FRMPD4: variants seen among roughly 807,000 people sequenced by gnomAD.
FRMPD4 encodes FERM and PDZ domain-containing protein 4.
FRMPD4 carries 22 observed loss-of-function variants against 94.1 expected under a neutral mutation model. The ratio of observed to expected loss-of-function variants is 0.23; its 90% CI spans 0.17 to 0.33. The LOEUF (loss-of-function observed/expected upper bound fraction) is 0.33. Among genes scored for constraint, FRMPD4 ranks in the 10% least tolerant of loss-of-function variants. The pLI, the probability that FRMPD4 is intolerant of heterozygous loss-of-function variation, is 1.00. For synonymous variants in FRMPD4, 631 were observed against 548.6 expected, an observed-to-expected ratio of 1.15 and a Z score of -2.10; for missense variants, 1,111 against 1,339.9, an observed-to-expected ratio of 0.83 and a Z score of 2.67.
intron 3 of FRMPD4, among the ~76,000 whole-genome samples, chrX:11,945,503 A>G (rs1362322716): frequency 8.9e-6 from 1 of 111,898 alleles, no homozygotes; most frequent in Non-Finnish European, 1.9e-5. Flanking sequence ...TTGTGTTGCT[A>G]TAAAAGAATA....
At chrX:12,220,096 G>A (rs996955048) in intron 1 of FRMPD4, among the ~76,000 whole-genome samples, 4 of 111,654 alleles carry the variant, frequency 3.6e-5, no homozygotes, top group Middle Eastern at 4.6e-3. Flanking sequence ...AGCGGAGATC[G>A]CACCATTGCA....
intron 1 of FRMPD4, among the ~76,000 whole-genome samples, chrX:12,246,314 T>C (rs1397271403): frequency 2.7e-5 from 3 of 112,309 alleles, no homozygotes; most frequent in African/African-American, 9.7e-5. Context: ...TTCACTGAAA[T>C]GAAGAGCTTC....
chrX:11,848,186 T>C (rs980707778), intron 1 of FRMPD4, among the ~76,000 whole-genome samples: 3 of 111,098 alleles, frequency 2.7e-5, no homozygotes, highest in African/African-American at 9.8e-5. Flanking sequence ...CCTAGAGAGT[T>C]TCTGTGTTTG....
At position 12,224,982 on chromosome X, in the gene FRMPD4, T is replaced by C. The variant is rs748472690; in HGVS notation, c.41+85970T>C. On this transcript the variant is annotated intron_variant, in intron 1 of 16. Coordinates refer to ENST00000675598, the MANE Select transcript of FRMPD4 (RefSeq NM_001368397.1). ...AAAGATAGTCTTTGAATAAACCATT[T>C]TTCTCTATGTATTGAGAAGCAGCTG... Among the ~76,000 whole-genome samples, 7 of 111,778 alleles carry C rather than the reference T, an allele frequency of 6.3e-5. No homozygotes were observed. The East Asian group carries it at 2.0e-3, about 31-fold the overall frequency.
rs1240852717 is a variant in FRMPD4 at position 12,645,834 on chromosome X, C to T, written c.423-29029C>T. Among the ~76,000 whole-genome samples the T allele has an allele frequency of 2.7e-5, 3 of 112,008 alleles. No individual in the cohort carries two copies. The East Asian group carries it at 8.4e-4, about 31-fold the overall frequency. The stretch of plus-strand genomic sequence containing the variant: ...TTGCTCATATTTGTAAATAGATTTT[C>T]GCATGCATTTTGGTTTGCACCCTTT... On this transcript the variant is annotated intron_variant, in intron 4 of 16. Coordinates refer to ENST00000675598, the MANE Select transcript of FRMPD4 (RefSeq NM_001368397.1).
intron 1 of FRMPD4, among the ~76,000 whole-genome samples, chrX:11,862,960 GTT>G (rs772255596): frequency 2.1e-5 from 1 of 47,654 alleles, no homozygotes; most frequent in African/African-American, 7.8e-5. Flanking sequence ...AGGGAACTTG[GTT>G]TTTTTTTTTT....
At chrX:12,221,853 G>C (rs1253595994) in intron 1 of FRMPD4, among the ~76,000 whole-genome samples, 1 of 111,813 alleles carries the variant, frequency 8.9e-6, no homozygotes, top group Non-Finnish European at 1.9e-5. Flanking sequence ...AGCGACATCA[G>C]GAAATGGTTA....
In FRMPD4 at chrX:12,662,985, C is replaced by T. The variant is rs749151158; in HGVS notation, c.423-11878C>T. ...AAACTTTTTTTCATATGTTTGTTGG[C>T]GGCATAAATGTCTTCTTTTGAGAAG... On this transcript the variant is annotated intron_variant, in intron 4 of 16. Coordinates refer to ENST00000675598, the MANE Select transcript of FRMPD4 (RefSeq NM_001368397.1). Among the ~76,000 whole-genome samples, 40 of 112,447 alleles carry T rather than the reference C, an allele frequency of 3.6e-4. 1 individual carries two copies. In the South Asian group the frequency reaches 6.2e-3, roughly 18 times the overall value.
intron 3 of FRMPD4, among the ~76,000 whole-genome samples, chrX:12,119,984 A>G (rs188438475): frequency 2.0e-3 from 226 of 112,464 alleles, no homozygotes; most frequent in Non-Finnish European, 3.1e-3. Flanking sequence ...GAAATTGTGT[A>G]ATATTTTTTC....
chrX:11,924,272 CTG>C (rs1328668541), intron 3 of FRMPD4, among the ~76,000 whole-genome samples: 2 of 111,986 alleles, frequency 1.8e-5, no homozygotes, highest in Non-Finnish European at 3.8e-5. Context: ...CTCCAGGAAT[CTG>C]TGACTGACTG....
At chrX:11,831,961 T>C (rs766498402) in intron 1 of FRMPD4, among the ~76,000 whole-genome samples, 83 of 112,158 alleles carry the variant, frequency 7.4e-4, no homozygotes, top group Non-Finnish European at 1.2e-3. Context: ...TTAGTTGAAA[T>C]AAACTGAATA....
chrX:11,928,400 G>A (rs1411700178), intron 3 of FRMPD4, among the ~76,000 whole-genome samples: 1 of 111,516 alleles, frequency 9.0e-6, no homozygotes, highest in Non-Finnish European at 1.9e-5. Flanking sequence ...TGAGTGAAAG[G>A]GAAAGCCCCA....
At chrX:12,678,123 T>C (rs2059919611) in intron 5 of FRMPD4, among the ~76,000 whole-genome samples, 1 of 112,265 alleles carries the variant, frequency 8.9e-6, no homozygotes, top group East Asian at 2.8e-4. Flanking sequence ...ACTAAATATA[T>C]CATAAACATT....
chrX:12,618,868 T>C (rs2059261320), intron 4 of FRMPD4, among the ~76,000 whole-genome samples: 1 of 111,775 alleles, frequency 8.9e-6, no homozygotes, highest in African/African-American at 3.3e-5. Flanking sequence ...TAGAATGGTT[T>C]TTGACTCCCT....
chrX:12,462,228 C>T (rs2057398140), intron 1 of FRMPD4, among the ~76,000 whole-genome samples: 1 of 111,553 alleles, frequency 9.0e-6, no homozygotes, highest in African/African-American at 3.3e-5. Flanking sequence ...AAACCACCTC[C>T]TGTGTTTTGT....
intron 2 of FRMPD4, among the ~76,000 whole-genome samples, chrX:12,541,053 C>G (rs375158364): frequency 1.8e-5 from 2 of 111,867 alleles, no homozygotes; most frequent in Admixed American, 1.9e-4. Context: ...AGAACAAAGA[C>G]ACAACAGACC....
rs377167488 is a variant in FRMPD4, at chrX:12,393,435, T to C, written c.42-105245T>C. Among the ~76,000 whole-genome samples the C allele has an allele frequency of 1.3e-4, 15 of 112,356 alleles. No homozygotes were observed. The South Asian group carries it at 5.6e-3, about 42-fold the overall frequency. ...TAATTTTTTAAAAGATGATACATTA[T>C]TAATCTAAATTAAGATAGGCTTGGC... On this transcript the variant is annotated intron_variant, in intron 1 of 16. Transcript: ENST00000675598.
intron 4 of FRMPD4, among the ~76,000 whole-genome samples, chrX:12,617,400 G>T (rs1355026802): frequency 4.5e-5 from 5 of 112,161 alleles, no homozygotes; most frequent in Non-Finnish European, 9.4e-5. Context: ...AGTTGCAACA[G>T]AAACTGTCTG....
chrX:12,648,432 C>G (rs1602259037), intron 4 of FRMPD4, among the ~76,000 whole-genome samples: 1 of 111,620 alleles, frequency 9.0e-6, no homozygotes, highest in South Asian at 3.8e-4. Context: ...CAGTGGTTCT[C>G]CACCACTTTC....
Sources: allele counts gnomAD v4.1 joint callset (sites outside exome capture counted in the v4.1 genomes callset), GRCh38; gene constraint gnomAD v4.1.1; transcripts MANE v1.5; gene names NCBI Gene and HGNC (gene_info 2026-07-23, HGNC 2026-07-21).